ANK2: variants seen among roughly 807,000 people sequenced by gnomAD.
ANK2 encodes ankyrin 2, also known as ankyrin-2.
ANK2 carries 83 observed loss-of-function variants against 360.5 expected under a neutral mutation model. The observed-to-expected ratio is 0.23, with a 90% CI of 0.19 to 0.28. The LOEUF is 0.28. Among genes scored for constraint, ANK2 ranks in the 10% least tolerant of loss-of-function variants. The pLI, the probability that ANK2 is intolerant of heterozygous loss-of-function variation, is 1.00. For missense variants in ANK2, 4,201 were observed against 4,795.7 expected (o/e 0.88, Z 3.66); for synonymous variants, 1,740 against 1,759.5 (o/e 0.99, Z 0.28).
chr4:112,984,696 G>T (rs969658765), intron 2 of ANK2, among the ~76,000 whole-genome samples: 1 of 152,184 alleles, frequency 6.6e-6, no homozygotes, highest in Non-Finnish European at 1.5e-5. Context: ...AGGAATGGAT[G>T]TGTAGAGCCA....
chr4:113,109,675 G>T (rs1468055421), intron 1 of ANK2, among the ~76,000 whole-genome samples: 1 of 152,094 alleles, frequency 6.6e-6, no homozygotes, highest in Non-Finnish European at 1.5e-5. Flanking sequence ...ATCTTTCAGT[G>T]GTTCCATTTT....
chr4:113,283,176 G>C (rs935294734), intron 18 of ANK2, among the ~76,000 whole-genome samples: 1 of 152,170 alleles, frequency 6.6e-6, no homozygotes, highest in Non-Finnish European at 1.5e-5. Flanking sequence ...AGGCTACCCT[G>C]TAGCTCCCAA....
intron 1 of ANK2, among the ~76,000 whole-genome samples, chr4:112,824,206 G>T (rs563072117): frequency 6.6e-6 from 1 of 151,680 alleles, no homozygotes; most frequent in African/African-American, 2.4e-5. Context: ...GGGAGACAGG[G>T]TCTTGTTCTG....
chr4:113,017,103 A>G (rs770472935), intron 2 of ANK2, among the ~76,000 whole-genome samples: 1 of 152,202 alleles, frequency 6.6e-6, no homozygotes, highest in Non-Finnish European at 1.5e-5. Flanking sequence ...ATTTAACTTA[A>G]AGGTATTTCA....
At chr4:113,204,493 C>T (rs1166748768) in intron 4 of ANK2, among the ~76,000 whole-genome samples, 1 of 152,122 alleles carries the variant, frequency 6.6e-6, no homozygotes, top group African/African-American at 2.4e-5. Flanking sequence ...AACTACAGCC[C>T]AGTAATAATA....
the ANK2 span, chr4:112,788,692 A>C: frequency 6.3e-7 from 1 of 1,598,738 alleles, no homozygotes; most frequent in African/African-American, 1.3e-5. Flanking sequence ...TGCTGCTGCA[A>C]CCTGATATAG....
intron 1 of ANK2, among the ~76,000 whole-genome samples, chr4:113,135,426 C>T (rs1436896540): frequency 6.6e-6 from 1 of 151,784 alleles, no homozygotes; most frequent in African/African-American, 2.4e-5. Context: ...TGCAGAGAAG[C>T]TCTACAGGTG....
chr4:113,030,369 C>T (rs2060141360), intron 2 of ANK2, among the ~76,000 whole-genome samples: 1 of 152,094 alleles, frequency 6.6e-6, no homozygotes, highest in Admixed American at 6.6e-5. Context: ...TTCCGTAGCT[C>T]AATTCCTTAC....
At chr4:112,845,322 G>GTTTT (rs34457976) in intron 1 of ANK2, among the ~76,000 whole-genome samples, 2 of 147,770 alleles carry the variant, frequency 1.4e-5, no homozygotes, top group East Asian at 3.9e-4. Context: ...GTACTTAGGT[G>GTTTT]TTTTTTTTTT....
chr4:113,130,178 A>G (rs1434418441), intron 1 of ANK2, among the ~76,000 whole-genome samples: 1 of 152,182 alleles, frequency 6.6e-6, no homozygotes, highest in African/African-American at 2.4e-5. Flanking sequence ...TGATTGTCTA[A>G]TAATTTCCAT....
intron 2 of ANK2, among the ~76,000 whole-genome samples, chr4:113,192,923 T>TAA (rs1407437172): frequency 8.4e-6 from 1 of 119,696 alleles, no homozygotes; most frequent in Admixed American, 8.0e-5. Context: ...ATTGCATTAT[T>TAA]TAAAAAAAAA....
At chr4:112,935,137 G>C (rs1489712288) in intron 2 of ANK2, among the ~76,000 whole-genome samples, 1 of 152,076 alleles carries the variant, frequency 6.6e-6, no homozygotes, top group Admixed American at 6.5e-5. Context: ...GTGTGTGTGT[G>C]TGTGTGTGTA....
chr4:113,048,266 ATATATATATATTTTTTTTTTTTT>A (rs2065294559), upstream of ANK2, among the ~76,000 whole-genome samples: 1 of 82,772 alleles, frequency 1.2e-5, no homozygotes, highest in African/African-American at 7.9e-5. Context: ...ATATATATAT[ATATATATATATTTTTTTTTTTTT>A]TTTTTTTTTT....
intron 1 of ANK2, among the ~76,000 whole-genome samples, chr4:113,149,373 T>C (rs557539572): frequency 6.6e-6 from 1 of 152,172 alleles, no homozygotes; most frequent in Non-Finnish European, 1.5e-5. Context: ...TCCTTCAGTT[T>C]TGAACTCTAA....
chr4:112,890,055 T>C (rs2079503888), intron 1 of ANK2, among the ~76,000 whole-genome samples: 1 of 152,204 alleles, frequency 6.6e-6, no homozygotes, highest in African/African-American at 2.4e-5. Flanking sequence ...AAACAAAAGA[T>C]GAAGTAAACA....
rs530001311 is a variant in ANK2 at position 113,105,280 on chromosome 4, G to A, written c.84+55468G>A. Among the ~76,000 whole-genome samples, 19 of 152,202 alleles carry A rather than the reference G, an allele frequency of 1.2e-4. No individual in the cohort carries two copies. The South Asian group carries it at 3.1e-3, about 25-fold the overall frequency. On this transcript the variant is annotated intron_variant, in intron 1 of 45. Coordinates refer to ENST00000357077, the MANE Select transcript of ANK2 (RefSeq NM_001148.6). ...AAGTAAATTGGTTCTGTGTTCTGGA[G>A]AATTGTAAAAGAATTCCTTAATTCC...
chr4:112,867,384 A>G (rs2071023176), intron 1 of ANK2, among the ~76,000 whole-genome samples: 1 of 151,336 alleles, frequency 6.6e-6, no homozygotes, highest in South Asian at 2.1e-4. Context: ...TGATTTTTGT[A>G]TAGGTTTTGT....
At chr4:112,821,770 G>T (rs1485626840) in intron 1 of ANK2, among the ~76,000 whole-genome samples, 3 of 111,010 alleles carry the variant, frequency 2.7e-5, no homozygotes, top group Non-Finnish European at 5.4e-5. Flanking sequence ...CTGAGTCATA[G>T]ATTTTTTTTT....
chr4:112,785,988 G>A, the ANK2 span, among the ~76,000 whole-genome samples: 2,206 of 152,044 alleles, frequency 0.015, 54 homozygotes, highest in African/African-American at 0.05. Flanking sequence ...TTACAGGCAC[G>A]TGCCACTATG....
Sources: allele counts gnomAD v4.1 joint callset (sites outside exome capture counted in the v4.1 genomes callset), GRCh38; gene constraint gnomAD v4.1.1; transcripts MANE v1.5; gene names NCBI Gene and HGNC (gene_info 2026-07-23, HGNC 2026-07-21).